The following XIRP2 variants were observed in gnomAD, a reference collection of about 807,000 sequenced individuals.
The protein encoded by XIRP2 is xin actin-binding repeat-containing protein 2.
Under a neutral mutation model 277.0 loss-of-function variants are expected in XIRP2, and 236 were observed. The observed-to-expected ratio is 0.85, with a 90% confidence interval of 0.77 to 0.95. XIRP2 has a LOEUF of 0.95. XIRP2 is among the 40% of genes least tolerant of loss of function. The probability of loss-of-function intolerance (pLI) is 0.00; values close to 1 mark genes in which losing one functional copy is unlikely to be tolerated. For synonymous variants in XIRP2, 1,490 were observed against 1,416.5 expected (o/e 1.05, Z -1.17); for missense variants, 4,640 against 4,157.5 (o/e 1.12, Z -3.19).
At chr2:167,008,181 A>C (rs780206245) in intron 2 of XIRP2, among the ~76,000 whole-genome samples, 2 of 151,628 alleles carry the variant, frequency 1.3e-5, no homozygotes, top group Non-Finnish European at 3.0e-5. Flanking sequence ...TTGTCAACAT[A>C]TATCTTTTAT....
chr2:167,163,078 C>T (rs370355908), intron 3 of XIRP2, among the ~76,000 whole-genome samples: 19 of 152,246 alleles, frequency 1.2e-4, no homozygotes, highest in African/African-American at 4.1e-4. Context: ...TCATTATCTT[C>T]TTTATGGACA....
intron 3 of XIRP2, among the ~76,000 whole-genome samples, chr2:167,186,009 T>C (rs1001500773): frequency 6.6e-6 from 1 of 152,192 alleles, no homozygotes; most frequent in Non-Finnish European, 1.5e-5. Context: ...AAGAGACCTT[T>C]CTGCAATGTT....
intron 3 of XIRP2, among the ~76,000 whole-genome samples, chr2:167,193,842 C>CT (rs1390696683): frequency 7.0e-6 from 1 of 142,416 alleles, no homozygotes; most frequent in African/African-American, 2.6e-5. Flanking sequence ...CATGCCACTA[C>CT]ACTCCAGCCT....
Position 167,239,891 on chromosome 2 carries a change from A to G in XIRP2, c.895A>G (p.Ser299Gly). The G allele has an allele frequency of 7.5e-6, 12 of 1,610,622 alleles. No individual in the cohort carries two copies. The highest frequency in any genetic ancestry group is 1.0e-5 in the Non-Finnish European group (12 of 1,178,788). ...TAGCAGCCAGGTTGGCACTTCAAGA[A>G]GCAGCCAGGAAATGGCAAGAAATGA... ...IHSSQVGTSR[S>G]SQEMARNEQE... is the part of the protein sequence containing the mutation. Residue 299 changes from serine (S) to glycine (G), a missense_variant, in exon 6 of 11, where the codon AGC becomes GGC. Coordinates refer to ENST00000409195, the MANE Select transcript of XIRP2 (RefSeq NM_152381.6).
chr2:167,194,887 T>C (rs905090325), intron 3 of XIRP2, among the ~76,000 whole-genome samples: 1 of 152,182 alleles, frequency 6.6e-6, no homozygotes, highest in African/African-American at 2.4e-5. Flanking sequence ...GTAAGTGCTG[T>C]ATAAGCTTTT....
chr2:166,943,058 A>G (rs80208851), intron 2 of XIRP2, among the ~76,000 whole-genome samples: 5,900 of 152,254 alleles, frequency 0.039, 164 homozygotes, highest in South Asian at 0.12. Context: ...AATGCCTATC[A>G]GATAGGACAA....
In XIRP2 at chr2:167,242,700, A is replaced by G; in HGVS notation, c.1308A>G (p.Ser436=). 6.2e-7 allele frequency: 1 copy of G among 1,614,058 alleles called. No homozygotes were observed. Among genetic ancestry groups the G allele is most frequent in the Non-Finnish European group, 8.5e-7 (1 of 1,179,968 alleles). ...ATAGTGATCACAGTGTCACTTCCTCAACTCTGGCACAAATTAATGCTACTT... is the reference window on the plus strand; with the variant it reads ...ATAGTGATCACAGTGTCACTTCCTCGACTCTGGCACAAATTAATGCTACTT... ...TRYSDHSVTS[S]TLAQINATSS... Residue 436 remains serine (S), a synonymous_variant, in exon 9 of 11, where the codon TCA becomes TCG. Transcript: ENST00000409195.
chr2:167,007,007 A>G (rs571888410), intron 2 of XIRP2, among the ~76,000 whole-genome samples: 65 of 151,834 alleles, frequency 4.3e-4, no homozygotes, highest in African/African-American at 1.4e-3. Flanking sequence ...GATATACCAT[A>G]CTAAAGGAAA....
At chr2:167,155,951 T>C (rs1379929554) in intron 3 of XIRP2, among the ~76,000 whole-genome samples, 2 of 149,818 alleles carry the variant, frequency 1.3e-5, no homozygotes, top group African/African-American at 2.5e-5. Context: ...TATACACCAA[T>C]AACAGACAAA....
chr2:166,963,370 G>A (rs1686347332), intron 2 of XIRP2, among the ~76,000 whole-genome samples: 1 of 151,684 alleles, frequency 6.6e-6, no homozygotes, highest in Non-Finnish European at 1.5e-5. Flanking sequence ...ATTCAGAGAT[G>A]ACAAGTCGAC....
At chr2:167,016,086 C>T (rs888504403) in intron 2 of XIRP2, among the ~76,000 whole-genome samples, 3 of 151,698 alleles carry the variant, frequency 2.0e-5, no homozygotes, top group Admixed American at 6.6e-5. Flanking sequence ...TCATGTAAAG[C>T]AATATTCTTT....
chr2:167,144,008 A>T (rs182274849), intron 3 of XIRP2, among the ~76,000 whole-genome samples: 426 of 152,202 alleles, frequency 2.8e-3, no homozygotes, highest in African/African-American at 9.2e-3. Context: ...TTCATTATAG[A>T]CATTTAATAT....
At chr2:166,894,805 A>G (rs1427083438) in intron 1 of XIRP2, among the ~76,000 whole-genome samples, 4 of 152,224 alleles carry the variant, frequency 2.6e-5, no homozygotes, top group Admixed American at 2.6e-4. Context: ...CATTAATAAA[A>G]TAGCTACACA....
chr2:167,245,579 T>A lies in XIRP2; in HGVS notation c.4187T>A (p.Leu1396Gln). The A allele has an allele frequency of 6.2e-7, 1 of 1,613,692 alleles. No homozygotes were observed. The highest frequency in any genetic ancestry group is 8.5e-7 in the Non-Finnish European group (1 of 1,179,742). Residue 1396 changes from leucine to glutamine, a missense_variant, in exon 9 of 11, where the codon CTG becomes CAG. Coordinates refer to ENST00000409195, the MANE Select transcript of XIRP2 (RefSeq NM_152381.6). ...SVRYRFETQP[L>Q]DQISEESHNI... is the part of the protein sequence containing the mutation. ...AGATACAGATTTGAAACTCAGCCAC[T>A]GGATCAGATTTCTGAAGAATCACAT...
chr2:167,093,531 T>C (rs1435354967), intron 2 of XIRP2, among the ~76,000 whole-genome samples: 2 of 152,088 alleles, frequency 1.3e-5, no homozygotes, highest in Admixed American at 1.3e-4. Context: ...CATGTTCTCA[T>C]TGTTCAACTC....
chr2:167,143,443 G>A (rs1691782357), intron 3 of XIRP2, among the ~76,000 whole-genome samples: 2 of 152,136 alleles, frequency 1.3e-5, no homozygotes, highest in South Asian at 4.1e-4. Flanking sequence ...ATAGGAGAAA[G>A]GGTGGAAATT....
intron 2 of XIRP2, among the ~76,000 whole-genome samples, chr2:167,121,235 C>G (rs192338378): frequency 5.4e-4 from 82 of 152,300 alleles, no homozygotes; most frequent in African/African-American, 1.9e-3. Flanking sequence ...GCCATTCCAT[C>G]TAAGCATTAT....
intron 2 of XIRP2, among the ~76,000 whole-genome samples, chr2:166,980,071 C>T (rs1388488728): frequency 6.6e-6 from 1 of 152,006 alleles, no homozygotes; most frequent in African/African-American, 2.4e-5. Context: ...TCTCAATAAG[C>T]TTGGCAATTT....
chr2:167,178,942 C>T (rs1692932499), intron 3 of XIRP2, among the ~76,000 whole-genome samples: 1 of 152,148 alleles, frequency 6.6e-6, no homozygotes, highest in East Asian at 1.9e-4. Flanking sequence ...GACTGAATGA[C>T]TGAATAAATC....
Sources: gnomAD v4.1 joint callset for allele counts (sites outside exome capture counted in the v4.1 genomes callset) on GRCh38, gnomAD v4.1.1 for gene constraint, MANE v1.5 for transcripts, NCBI Gene and HGNC (gene_info 2026-07-23, HGNC 2026-07-21) for gene names.